Variants in CDC27 observed in about 807,000 individuals in gnomAD.
CDC27 encodes the protein cell division cycle 27.
CDC27 carries 27 observed loss-of-function variants against 109.7 expected under a neutral mutation model. That is an observed-to-expected ratio of 0.25 (90% CI 0.18 to 0.34). The LOEUF (loss-of-function observed/expected upper bound fraction) is 0.34. Among genes scored for constraint, CDC27 ranks in the 10% least tolerant of loss-of-function variants. The probability of loss-of-function intolerance (pLI) is 1.00; values close to 1 mark genes in which losing one functional copy is unlikely to be tolerated. For synonymous variants in CDC27, 266 were observed against 333.9 expected, an observed-to-expected ratio of 0.80 and a Z score of 2.22; for missense variants, 579 against 960.2, an observed-to-expected ratio of 0.60 and a Z score of 5.25.
chr17:47,178,132 A>T (rs766153420), intron 2 of CDC27, among the ~76,000 whole-genome samples: 1 of 152,116 alleles, frequency 6.6e-6, no homozygotes, highest in Non-Finnish European at 1.5e-5. Flanking sequence ...GCAAATCTCA[A>T]CTCACTAGTG....
intron 7 of CDC27, among the ~76,000 whole-genome samples, chr17:47,156,348 C>T (rs969146149): frequency 2.0e-5 from 3 of 152,024 alleles, no homozygotes; most frequent in Admixed American, 2.0e-4. Context: ...CCATGTTGGC[C>T]AGGATGGTCT....
At chr17:47,163,378 A>G (rs1323771762) in intron 4 of CDC27, among the ~76,000 whole-genome samples, 6 of 152,160 alleles carry the variant, frequency 3.9e-5, no homozygotes, top group Non-Finnish European at 8.8e-5. Context: ...CACTTTCAAT[A>G]CTCAATCTTT....
At chr17:47,189,070 G>A in intron 1 of CDC27, 76 bp downstream of exon 1, 3 of 1,549,586 alleles carry the variant, frequency 1.9e-6, no homozygotes, top group South Asian at 2.2e-5. Context: ...GCCGCACCAG[G>A]CCGCGGAGTG....
intron 4 of CDC27, among the ~76,000 whole-genome samples, chr17:47,167,529 C>G (rs952342328): frequency 6.6e-6 from 1 of 152,174 alleles, no homozygotes; most frequent in Non-Finnish European, 1.5e-5. Flanking sequence ...TCTTCTTAAC[C>G]AGGCAGGACT....
At chr17:47,151,988 C>T (rs576770854) in intron 8 of CDC27, 70 bp from the exon 9 acceptor site, 52 of 1,409,726 alleles carry the variant, frequency 3.7e-5, no homozygotes, top group Middle Eastern at 3.7e-4. Context: ...GACAACACAA[C>T]GCTCCCATCT....
intron 1 of CDC27, chr17:47,188,944 G>A (rs1164194727): frequency 7.0e-7 from 1 of 1,435,486 alleles, no homozygotes; most frequent in African/African-American, 1.4e-5. Flanking sequence ...CACGCTAAGG[G>A]TGAAGTAATG....
At chr17:47,154,349 A>C (rs1360951663) in intron 8 of CDC27, among the ~76,000 whole-genome samples, 1 of 152,184 alleles carries the variant, frequency 6.6e-6, no homozygotes, top group Non-Finnish European at 1.5e-5. Context: ...AGTAATATAA[A>C]CAATATTAAT....
chr17:47,124,256 C>CATCTATCTATCTATCTATCTATCTATCT (rs71365043), intron 16 of CDC27, among the ~76,000 whole-genome samples: 9 of 148,166 alleles, frequency 6.1e-5, no homozygotes, highest in East Asian at 2.0e-4. Context: ...TGCTTTTGGT[C>CATCTATCTATCTATCTATCTATCTATCT]ATCTATCTAT....
chr17:47,177,224 C>T (rs968912028), intron 2 of CDC27, among the ~76,000 whole-genome samples: 2 of 151,892 alleles, frequency 1.3e-5, no homozygotes, highest in Non-Finnish European at 2.9e-5. Context: ...TGTTTGAGGC[C>T]AGCATGGGCA....
At position 47,170,030 on chromosome 17, in the gene CDC27, C is replaced by T; in HGVS notation, c.264G>A (p.Gly88=). ...CCVDLSKLAE[G]EQILSGGVFN... is the part of the protein sequence containing the mutation. ...ACACTCCACCAGATAAGATTTGTTCCCCTTCTGCAAGCCTTTAAAATACAA... is the reference window on the plus strand; with the variant it reads ...ACACTCCACCAGATAAGATTTGTTCTCCTTCTGCAAGCCTTTAAAATACAA... The change falls in exon 4 of 19, where the codon GGG becomes GGA. Residue 88 remains glycine (G), a synonymous_variant. Coordinates refer to ENST00000066544, the MANE Select transcript of CDC27 (RefSeq NM_001256.6). 1 of 1,522,742 alleles carries T rather than the reference C, an allele frequency of 6.6e-7. No homozygotes were observed. The highest frequency in any genetic ancestry group is 1.4e-5 in the African/African-American group (1 of 70,424). The allele number at this position is 1,522,742 out of a possible 1,614,324, so 94.3% of individuals were successfully genotyped here.
At chr17:47,123,437 A>G (rs537950659) in intron 17 of CDC27, among the ~76,000 whole-genome samples, 33 of 136,512 alleles carry the variant, frequency 2.4e-4, no homozygotes, top group African/African-American at 9.0e-4. Context: ...CTGAGACAGA[A>G]TCTTGTTCTC....
At chr17:47,176,906 T>C (rs2064035073) in intron 2 of CDC27, among the ~76,000 whole-genome samples, 1 of 152,080 alleles carries the variant, frequency 6.6e-6, no homozygotes, top group African/African-American at 2.4e-5. Context: ...TAACACAATC[T>C]GGTAAATAAG....
chr17:47,172,904 C>T (rs1356646215), intron 2 of CDC27, among the ~76,000 whole-genome samples: 1 of 152,202 alleles, frequency 6.6e-6, no homozygotes, highest in Admixed American at 6.5e-5. Context: ...TACCAGTGAG[C>T]TGAAGGATCT....
intron 9 of CDC27, among the ~76,000 whole-genome samples, chr17:47,147,387 A>G (rs1327132460): frequency 6.7e-6 from 1 of 150,334 alleles, no homozygotes; most frequent in Non-Finnish European, 1.5e-5. Flanking sequence ...CGACAGAGCG[A>G]AACTCCGTCT....
intron 2 of CDC27, among the ~76,000 whole-genome samples, chr17:47,175,825 A>C (rs1040254483): frequency 6.6e-5 from 10 of 152,184 alleles, no homozygotes; most frequent in Admixed American, 5.9e-4. Flanking sequence ...CAAAAGAAAA[A>C]AAATAAAACA....
rs142213616 is a variant in CDC27 at position 47,131,788 on chromosome 17, C to T, written c.2031+469G>A. On this transcript the variant is annotated intron_variant, in intron 15 of 18. Coordinates refer to ENST00000066544, the MANE Select transcript of CDC27 (RefSeq NM_001256.6). ...GGCTCAAGTGATCCTTGTGCTTCAGCCTCCCAAGTAGCCAGGACCACAGGT... is the reference window on the plus strand; with the variant it reads ...GGCTCAAGTGATCCTTGTGCTTCAGTCTCCCAAGTAGCCAGGACCACAGGT... Among the ~76,000 whole-genome samples the T allele has an allele frequency of 1.2e-3, 168 of 142,778 alleles. 1 individual carries two copies. In the East Asian group the frequency reaches 0.028, roughly 24 times the overall value. 93.7% of individuals were successfully genotyped at this position (142,778 alleles called of 152,430 possible). A position where few individuals can be genotyped will look rare whatever the true frequency, so the allele number is the denominator to read the frequency against.
intron 1 of CDC27, chr17:47,188,830 C>T: frequency 1.6e-6 from 2 of 1,252,644 alleles, no homozygotes; most frequent in Non-Finnish European, 2.0e-6. Context: ...CATTTTCGGC[C>T]CCTCATCTCC....
chr17:47,168,998 T>TC lies in CDC27; in HGVS notation c.377+918_377+919insG, dbSNP rs796970029. On this transcript the variant is annotated intron_variant, in intron 4 of 18. Coordinates refer to ENST00000066544, the MANE Select transcript of CDC27 (RefSeq NM_001256.6). ...TGTTCTTTTTCTTTTTTTTTTTCTT[T>TC]TTTTTTTTTTGGAAACAGGGTCTCG... 8.5e-3 allele frequency among the ~76,000 whole-genome samples: 1,273 copies of TC among 149,792 alleles called. 22 individuals carry two copies. Among genetic ancestry groups the TC allele is most frequent in the African/African-American group, 0.03 (1,237 of 40,962 alleles).
At chr17:47,136,072 G>A (rs1477224989) in intron 14 of CDC27, among the ~76,000 whole-genome samples, 2 of 152,124 alleles carry the variant, frequency 1.3e-5, no homozygotes, top group Non-Finnish European at 2.9e-5. Flanking sequence ...AACCTGGGAG[G>A]CGGAGCATAC....
Sources: allele counts gnomAD v4.1 joint callset (sites outside exome capture counted in the v4.1 genomes callset), GRCh38; gene constraint gnomAD v4.1.1; transcripts MANE v1.5; gene names NCBI Gene and HGNC (gene_info 2026-07-23, HGNC 2026-07-21).